SPEF2: variants seen among roughly 807,000 people sequenced by gnomAD.
SPEF2 encodes the protein sperm flagellar and cilia associated 2.
A neutral mutation model predicts 224.6 loss-of-function variants in SPEF2; 187 were observed. The ratio of observed to expected loss-of-function variants is 0.83; its 90% CI spans 0.74 to 0.94. The LOEUF is 0.94. SPEF2 is among the 40% of genes least tolerant of loss of function. The pLI is 0.00. For missense variants in SPEF2, 2,170 were observed against 2,135.6 expected (o/e 1.02, Z -0.32); for synonymous variants, 715 against 707.3 (o/e 1.01, Z -0.17).
chr5:35,743,935 A>G (rs995588525), intron 23 of SPEF2, among the ~76,000 whole-genome samples: 9 of 152,184 alleles, frequency 5.9e-5, no homozygotes, highest in African/African-American at 2.2e-4. Flanking sequence ...TTATAGATGA[A>G]CAAATATGGT....
chr5:35,763,342 G>T (rs1024047394), intron 25 of SPEF2, among the ~76,000 whole-genome samples, 180 bp from the exon 26 acceptor site: 4 of 152,008 alleles, frequency 2.6e-5, no homozygotes, highest in Non-Finnish European at 5.9e-5. Context: ...AGATGTTCTA[G>T]ACCACAAAAA....
chr5:35,678,103 A>T (rs1752277886), intron 10 of SPEF2, among the ~76,000 whole-genome samples: 1 of 152,236 alleles, frequency 6.6e-6, no homozygotes. Context: ...CATAAGGTAG[A>T]TGCAGTCTAC....
In SPEF2 at chr5:35,697,774, A is replaced by T. The variant is rs778316758; in HGVS notation, c.2122A>T (p.Ile708Phe). 6.2e-7 allele frequency: 1 copy of T among 1,612,490 alleles called. No homozygotes were observed. The highest frequency in any genetic ancestry group is 1.1e-5 in the South Asian group (1 of 91,000). Residue 708 changes from isoleucine to phenylalanine, a missense_variant, in exon 15 of 37, where the codon ATC becomes TTC. Physicochemically the swap from Ile to Phe is conservative, Grantham distance 21 (BLOSUM62 0). Coordinates refer to ENST00000356031, the MANE Select transcript of SPEF2 (RefSeq NM_024867.4). ...KSIPDVLLVD[I>F]IVNAINEIPV... ...CATTCCTGATGTGCTGCTTGTTGAC[A>T]TCATAGTAAATGCTATTAAGTATGT...
chr5:35,645,416 GA>G (rs1378216212), intron 4 of SPEF2, among the ~76,000 whole-genome samples: 1 of 152,108 alleles, frequency 6.6e-6, no homozygotes, highest in African/African-American at 2.4e-5. Flanking sequence ...TAAAAACGGG[GA>G]TGCTTACTTC....
At chr5:35,697,254 C>A (rs1055164497) in intron 14 of SPEF2, among the ~76,000 whole-genome samples, 1 of 152,066 alleles carries the variant, frequency 6.6e-6, no homozygotes, top group Admixed American at 6.5e-5. Flanking sequence ...TAAAAGAAGA[C>A]ATCAAACAAG....
At chr5:35,770,030 C>CGT (rs143871804) in intron 26 of SPEF2, among the ~76,000 whole-genome samples, 3,605 of 142,230 alleles carry the variant, frequency 0.025, 136 homozygotes, top group African/African-American at 0.086. Context: ...TGTGCATGTG[C>CGT]GTGTGTGTGT....
At chr5:35,653,420 C>T (rs2149434066) in intron 6 of SPEF2, among the ~76,000 whole-genome samples, 1 of 152,292 alleles carries the variant, frequency 6.6e-6, no homozygotes, top group Admixed American at 6.5e-5. Context: ...GATAGAGTAA[C>T]TTGCACTTTC....
intron 21 of SPEF2, among the ~76,000 whole-genome samples, chr5:35,735,636 T>C (rs1746455659): frequency 6.6e-6 from 1 of 152,206 alleles, no homozygotes; most frequent in South Asian, 2.1e-4. Context: ...TCTCCATGTG[T>C]AATTCCCTGA....
chr5:35,771,710 C>CA lies in SPEF2; in HGVS notation c.3908dup (p.Glu1304GlyfsTer15). ...CTCAGATGGGTGCAAATAAAAAAGT[C>CA]AAAAAGGAGCCACCCAAGAAAAAAC... is the stretch of plus-strand genomic sequence containing the variant. On this transcript the variant is annotated frameshift_variant, in exon 27 of 37. Transcript: ENST00000356031. LOFTEE classifies it high-confidence loss of function. 6.3e-7 allele frequency: 1 copy of CA among 1,599,878 alleles called. No homozygotes were observed. The highest frequency in any genetic ancestry group is 1.8e-5 in the Admixed American group (1 of 56,302).
chr5:35,808,758 A>ATG (rs1758355185), intron 36 of SPEF2, among the ~76,000 whole-genome samples: 1 of 147,982 alleles, frequency 6.8e-6, no homozygotes, highest in Non-Finnish European at 1.5e-5. Context: ...ATATATTTAT[A>ATG]TGTATATATA....
At chr5:35,722,480 G>GT (rs200717070) in intron 20 of SPEF2, among the ~76,000 whole-genome samples, 5 of 150,794 alleles carry the variant, frequency 3.3e-5, no homozygotes, top group South Asian at 2.1e-4. Flanking sequence ...TTTTTTCAAG[G>GT]TTTTTTTTCT....
At chr5:35,796,762 C>A (rs1756727832) in intron 33 of SPEF2, among the ~76,000 whole-genome samples, 1 of 152,110 alleles carries the variant, frequency 6.6e-6, no homozygotes, top group Non-Finnish European at 1.5e-5. Flanking sequence ...CAAAATTGAG[C>A]AAGATTCCAG....
intron 20 of SPEF2, among the ~76,000 whole-genome samples, chr5:35,724,767 A>G (rs1351905104): frequency 6.6e-6 from 1 of 152,216 alleles, no homozygotes; most frequent in Admixed American, 6.5e-5. Context: ...AAAAGTAAAT[A>G]GTACAGGGTC....
rs148202820 is a variant in SPEF2, at chr5:35,814,168, A to T, written c.5380-296A>T. 5.9e-4 allele frequency among the ~76,000 whole-genome samples: 90 copies of T among 152,294 alleles called. 1 individual carries two copies. The East Asian group carries it at 0.015, about 25-fold the overall frequency. On this transcript the variant is annotated intron_variant, in intron 36 of 36. Transcript: ENST00000356031. ...CAATCTTTTAACTTGCCCATTCATT[A>T]TATGCCAGGTTCTGTGTAACTGCTT...
chr5:35,806,768 G>C lies in SPEF2; in HGVS notation c.5072G>C (p.Arg1691Thr). 1.1e-5 allele frequency: 18 copies of C among 1,613,944 alleles called. No homozygotes were observed. The highest frequency in any genetic ancestry group is 1.4e-5 in the Non-Finnish European group (17 of 1,179,960). ...CCTGAACCTGAGGAAAATGCTGCAAGAGAAGAAAGGAAATTAAAAGACGAC... is the reference window on the plus strand; with the variant it reads ...CCTGAACCTGAGGAAAATGCTGCAACAGAAGAAAGGAAATTAAAAGACGAC... The part of the protein sequence containing the change: ...EFPEPEENAA[R>T]EERKLKDDTE... The change falls in exon 35 of 37, where the codon AGA (arginine) becomes ACA (threonine). Residue 1691 changes from arginine to threonine, a missense_variant. Coordinates refer to ENST00000356031, the MANE Select transcript of SPEF2 (RefSeq NM_024867.4).
intron 16 of SPEF2, among the ~76,000 whole-genome samples, chr5:35,703,689 C>A (rs1580356867): frequency 6.6e-6 from 1 of 152,222 alleles, no homozygotes. Flanking sequence ...GGTGCATGGG[C>A]ATCTCCCAAT....
chr5:35,797,921 A>G (rs73088238), intron 33 of SPEF2, among the ~76,000 whole-genome samples: 4,459 of 152,216 alleles, frequency 0.029, 235 homozygotes, highest in African/African-American at 0.1. Context: ...TTGCCATTTC[A>G]GTCAATGGCA....
At chr5:35,708,804 A>G in intron 18 of SPEF2, 144 bp from the exon 19 acceptor site, 1 of 694,614 alleles carries the variant, frequency 1.4e-6, no homozygotes, top group South Asian at 2.3e-5. Flanking sequence ...TAAGGACTAG[A>G]TGATTTAAGG....
At chr5:35,722,770 A>G (rs993305544) in intron 20 of SPEF2, among the ~76,000 whole-genome samples, 2 of 150,794 alleles carry the variant, frequency 1.3e-5, no homozygotes, top group Non-Finnish European at 3.0e-5. Context: ...TTTACTGAGA[A>G]TGATGATTTC....
Sources: allele counts gnomAD v4.1 joint callset (sites outside exome capture counted in the v4.1 genomes callset), GRCh38; gene constraint gnomAD v4.1.1; transcripts MANE v1.5; gene names NCBI Gene and HGNC (gene_info 2026-07-23, HGNC 2026-07-21).